DLG2: variants seen among roughly 807,000 people sequenced by gnomAD.
DLG2 encodes disks large homolog 2.
A neutral mutation model predicts 132.5 loss-of-function variants in DLG2; 45 were observed. The ratio of observed to expected loss-of-function variants is 0.34; its 90% CI spans 0.27 to 0.44. The LOEUF is 0.44. Ranked by LOEUF, DLG2 falls within the 20% of genes least tolerant of loss-of-function variation. The pLI is 1.00. For missense variants in DLG2, 1,045 were observed against 1,196.9 expected (o/e 0.87, Z 1.87); for synonymous variants, 424 against 419.6 (o/e 1.01, Z -0.13).
chr11:83,706,173 G>T (rs571623955), intron 18 of DLG2, among the ~76,000 whole-genome samples: 1 of 150,422 alleles, frequency 6.6e-6, no homozygotes, highest in Non-Finnish European at 1.5e-5. Context: ...AGCTGAGATC[G>T]CGCCACTGCA....
chr11:84,242,697 C>A (rs984174351), intron 8 of DLG2, among the ~76,000 whole-genome samples: 2 of 152,064 alleles, frequency 1.3e-5, no homozygotes, highest in African/African-American at 4.8e-5. Context: ...TGAGCCACCG[C>A]ACCTGGCCAA....
intron 18 of DLG2, among the ~76,000 whole-genome samples, chr11:83,668,698 TATAA>T (rs776187363): frequency 0.22 from 5,238 of 24,322 alleles, 204 homozygotes; most frequent in Middle Eastern, 0.38. Context: ...TATATGTGTA[TATAA>T]ACACATATAT....
chr11:85,141,933 T>A (rs971958398), intron 5 of DLG2, among the ~76,000 whole-genome samples: 2 of 151,966 alleles, frequency 1.3e-5, no homozygotes, highest in Non-Finnish European at 2.9e-5. Context: ...TTTATTCCAA[T>A]ACCATACTGG....
intron 6 of DLG2, among the ~76,000 whole-genome samples, chr11:84,925,167 TA>T (rs1345126146): frequency 2.1e-4 from 32 of 152,164 alleles, no homozygotes; most frequent in African/African-American, 6.5e-4. Context: ...CCTATTTTAT[TA>T]ATATTATTTT....
intron 6 of DLG2, among the ~76,000 whole-genome samples, chr11:84,577,459 G>T (rs1475275304): frequency 6.6e-6 from 1 of 152,306 alleles, no homozygotes; most frequent in East Asian, 1.9e-4. Context: ...CCAGGCTGAG[G>T]TGGTCCCAAT....
chr11:85,270,340 C>T (rs2077452552), intron 4 of DLG2, among the ~76,000 whole-genome samples: 1 of 152,212 alleles, frequency 6.6e-6, no homozygotes, highest in Admixed American at 6.5e-5. Flanking sequence ...ATGCCTTCTA[C>T]TTTCCACCAT....
chr11:84,662,918 G>A (rs1339172101), intron 6 of DLG2, among the ~76,000 whole-genome samples: 1 of 151,840 alleles, frequency 6.6e-6, no homozygotes, highest in African/African-American at 2.4e-5. Flanking sequence ...TTAACAAATT[G>A]GGGCATTTTC....
intron 3 of DLG2, among the ~76,000 whole-genome samples, chr11:85,455,307 T>C (rs192600013): frequency 2.6e-5 from 4 of 152,340 alleles, no homozygotes; most frequent in Admixed American, 2.0e-4. Flanking sequence ...ATTGTGTTCC[T>C]GATTTGGCTC....
intron 7 of DLG2, among the ~76,000 whole-genome samples, chr11:84,430,884 C>T (rs940167232): frequency 2.0e-5 from 3 of 152,168 alleles, no homozygotes; most frequent in East Asian, 1.9e-4. Context: ...CAGACACTGG[C>T]GCTGAGTCAT....
chr11:84,012,611 C>T (rs77630374), intron 11 of DLG2, among the ~76,000 whole-genome samples: 3,193 of 152,190 alleles, frequency 0.021, 43 homozygotes, highest in Middle Eastern at 0.034. Flanking sequence ...TCAAAATATT[C>T]AGAGTTTCAA....
At chr11:84,931,551 C>T (rs531191560) in intron 6 of DLG2, among the ~76,000 whole-genome samples, 2 of 152,202 alleles carry the variant, frequency 1.3e-5, no homozygotes, top group Non-Finnish European at 2.9e-5. Flanking sequence ...AGAAAACATA[C>T]CACATTTCTG....
intron 6 of DLG2, among the ~76,000 whole-genome samples, chr11:84,714,555 C>G (rs201119850): frequency 4.8e-5 from 4 of 83,218 alleles, no homozygotes; most frequent in African/African-American, 4.6e-4. Context: ...CTCTTTCTCT[C>G]TCTTTCTCTT....
intron 6 of DLG2, among the ~76,000 whole-genome samples, chr11:84,807,312 G>T (rs1373710567): frequency 6.6e-6 from 1 of 152,074 alleles, no homozygotes; most frequent in East Asian, 1.9e-4. Context: ...CAGGCATGGT[G>T]GTGGGTGCCT....
intron 7 of DLG2, among the ~76,000 whole-genome samples, chr11:84,346,520 T>G (rs934427972): frequency 1.3e-5 from 2 of 152,230 alleles, no homozygotes; most frequent in African/African-American, 4.8e-5. Context: ...GATCTGAAAC[T>G]AATTCAAGTA....
intron 6 of DLG2, among the ~76,000 whole-genome samples, chr11:84,814,611 C>T (rs2076911028): frequency 6.6e-6 from 1 of 152,038 alleles, no homozygotes; most frequent in Non-Finnish European, 1.5e-5. Flanking sequence ...CAGTTCTCTC[C>T]ATGCATCATG....
rs1036713365 is a variant in DLG2 at position 84,521,289 on chromosome 11, A to G, written c.519+13281T>C. On this transcript the variant is annotated intron_variant, in intron 7 of 27. Coordinates refer to ENST00000376104, the MANE Select transcript of DLG2 (RefSeq NM_001142699.3). ...TTTCAATAACATCCCCTAGAAATTG[A>G]AATAAGTGAACCTCTGTGATCTGCT... Among the ~76,000 whole-genome samples the G allele has an allele frequency of 1.9e-4, 29 of 152,266 alleles. 1 individual carries two copies. The highest frequency in any genetic ancestry group is 6.3e-4 in the African/African-American group (26 of 41,558).
intron 6 of DLG2, among the ~76,000 whole-genome samples, chr11:85,067,423 T>G (rs528337857): frequency 1.3e-5 from 2 of 152,056 alleles, no homozygotes; most frequent in African/African-American, 4.8e-5. Flanking sequence ...TCTAGTTCTT[T>G]TAATTGTGAT....
intron 6 of DLG2, among the ~76,000 whole-genome samples, chr11:84,972,669 T>C (rs2054266287): frequency 6.6e-6 from 1 of 152,192 alleles, no homozygotes; most frequent in Admixed American, 6.5e-5. Flanking sequence ...CCTATTGCTT[T>C]TAATGGGCCG....
At chr11:85,503,346 T>C (rs1228980274) in intron 3 of DLG2, among the ~76,000 whole-genome samples, 2 of 152,092 alleles carry the variant, frequency 1.3e-5, no homozygotes, top group Non-Finnish European at 2.9e-5. Context: ...TCCAGCCACT[T>C]CTCAACTCTT....
Sources: allele counts gnomAD v4.1 joint callset (sites outside exome capture counted in the v4.1 genomes callset), GRCh38; gene constraint gnomAD v4.1.1; transcripts MANE v1.5; gene names NCBI Gene and HGNC (gene_info 2026-07-23, HGNC 2026-07-21).